Variants in MBD5 observed in about 807,000 individuals in gnomAD.
MBD5 encodes methyl-CpG-binding domain protein 5.
Under a neutral mutation model 117.3 loss-of-function variants are expected in MBD5, and 13 were observed. The observed-to-expected ratio is 0.11, with a 90% CI of 0.07 to 0.18. The LOEUF (loss-of-function observed/expected upper bound fraction) is 0.18. Ranked by LOEUF, MBD5 falls within the 10% of genes least tolerant of loss-of-function variation. The pLI is 1.00. For synonymous variants in MBD5, 727 were observed against 766.4 expected (o/e 0.95, Z 0.85); for missense variants, 1,879 against 2,093.8 (o/e 0.90, Z 2.00).
intron 3 of MBD5, among the ~76,000 whole-genome samples, chr2:148,304,287 C>A (rs1701840267): frequency 6.6e-6 from 1 of 152,098 alleles, no homozygotes; most frequent in Admixed American, 6.5e-5. Context: ...TGAGGAAATG[C>A]AGGCACACAA....
chr2:148,114,683 T>C (rs1257601836), intron 1 of MBD5, among the ~76,000 whole-genome samples: 1 of 152,156 alleles, frequency 6.6e-6, no homozygotes. Flanking sequence ...AATAAGTTAC[T>C]TACTGTGTGC....
At chr2:148,123,540 G>C (rs550216387) in intron 1 of MBD5, among the ~76,000 whole-genome samples, 1 of 152,236 alleles carries the variant, frequency 6.6e-6, no homozygotes, top group South Asian at 2.1e-4. Context: ...GTAGAACAAG[G>C]GTCAAAGTAA....
At chr2:148,327,617 C>T (rs1217363189) in intron 3 of MBD5, among the ~76,000 whole-genome samples, 1 of 151,770 alleles carries the variant, frequency 6.6e-6, no homozygotes, top group Non-Finnish European at 1.5e-5. Context: ...GATACCCTTT[C>T]TTCCAGTTGA....
At chr2:148,446,613 T>TGTGTGTGTG (rs1706537638) in intron 4 of MBD5, among the ~76,000 whole-genome samples, 1 of 151,818 alleles carries the variant, frequency 6.6e-6, no homozygotes, top group East Asian at 1.9e-4. Context: ...TGTGTGTGTG[T>TGTGTGTGTG]GTGTGTGTGT....
chr2:148,164,010 G>A (rs541691721), intron 1 of MBD5, among the ~76,000 whole-genome samples: 2 of 152,190 alleles, frequency 1.3e-5, no homozygotes, highest in Non-Finnish European at 2.9e-5. Flanking sequence ...ATTTTTTCAT[G>A]TAGTGTTTAC....
chr2:148,390,799 G>C (rs960202307), intron 4 of MBD5, among the ~76,000 whole-genome samples: 2 of 152,000 alleles, frequency 1.3e-5, no homozygotes, highest in African/African-American at 4.8e-5. Context: ...GGGCTCAGGC[G>C]AACCTCCCAC....
chr2:148,349,219 C>G (rs1201558427), intron 4 of MBD5, among the ~76,000 whole-genome samples: 1 of 151,812 alleles, frequency 6.6e-6, no homozygotes, highest in African/African-American at 2.4e-5. Context: ...TTTTCTGATC[C>G]TAGATTTACC....
chr2:148,339,114 G>T (rs1427431969), intron 3 of MBD5, among the ~76,000 whole-genome samples: 1 of 152,106 alleles, frequency 6.6e-6, no homozygotes, highest in East Asian at 1.9e-4. Flanking sequence ...TCAGGTCTCT[G>T]TGATGACTGT....
At chr2:148,161,640 A>G (rs112635108) in intron 1 of MBD5, among the ~76,000 whole-genome samples, 8 of 152,170 alleles carry the variant, frequency 5.3e-5, no homozygotes, top group Non-Finnish European at 1.2e-4. Context: ...AATGTTTCAC[A>G]TCCTTGACTC....
At chr2:148,475,496 G>A (rs1055783706) in intron 8 of MBD5, among the ~76,000 whole-genome samples, 1 of 151,934 alleles carries the variant, frequency 6.6e-6, no homozygotes, top group African/African-American at 2.4e-5. Context: ...AGCTGTAGAC[G>A]TTGAGTCTAT....
rs530289313 is a variant in MBD5 at position 148,344,429 on chromosome 2, C to T, written c.-557+2093C>T. ...GGCAGTATGGCCCTTTTAAAAATATCGATTCTTCCAATCCATGAGCATGTA... is the reference window on the plus strand; with the variant it reads ...GGCAGTATGGCCCTTTTAAAAATATTGATTCTTCCAATCCATGAGCATGTA... On this transcript the variant is annotated intron_variant, in intron 4 of 13. Coordinates refer to ENST00000642680, the MANE Select transcript of MBD5 (RefSeq NM_001378120.1). 3.9e-4 allele frequency among the ~76,000 whole-genome samples: 59 copies of T among 151,942 alleles called. No homozygotes were observed. The South Asian group carries it at 4.1e-3, about 11-fold the overall frequency.
intron 3 of MBD5, among the ~76,000 whole-genome samples, chr2:148,294,351 A>C (rs1452847898): frequency 1.4e-4 from 21 of 150,064 alleles, no homozygotes; most frequent in Non-Finnish European, 2.4e-4. Context: ...CAGCCTCCCG[A>C]GTAGCTGGGA....
chr2:148,434,852 TTGTTGTGTGGGAATCTACACC>T (rs962964448), intron 4 of MBD5, among the ~76,000 whole-genome samples: 3 of 150,860 alleles, frequency 2.0e-5, no homozygotes, highest in Non-Finnish European at 3.0e-5. Flanking sequence ...TGTCAGTGAG[TTGTTGTGTGGGAATCTACACC>T]TCTTCATAGG....
intron 3 of MBD5, chr2:148,264,094 AC>A (rs1237096646): frequency 1.3e-5 from 2 of 152,210 alleles, no homozygotes; most frequent in Non-Finnish European, 2.9e-5. Context: ...GTAGATGTGG[AC>A]CATGAAATAC....
intron 4 of MBD5, among the ~76,000 whole-genome samples, chr2:148,352,413 T>C (rs1429684230): frequency 6.6e-6 from 1 of 152,124 alleles, no homozygotes; most frequent in Non-Finnish European, 1.5e-5. Context: ...TGTCAAATTA[T>C]AGTACAATAT....
chr2:148,389,295 T>C lies in MBD5; in HGVS notation c.-557+46959T>C, dbSNP rs1383385370. On this transcript the variant is annotated intron_variant, in intron 4 of 13. Coordinates refer to ENST00000642680, the MANE Select transcript of MBD5 (RefSeq NM_001378120.1). ...ATATATATATATATATATATATATATATATATATAACATTTTCTTTATCCA... is the reference window on the plus strand; with the variant it reads ...ATATATATATATATATATATATATACATATATATAACATTTTCTTTATCCA... 1.3e-3 allele frequency among the ~76,000 whole-genome samples: 130 copies of C among 102,116 alleles called. 3 individuals are homozygous for C. The highest frequency in any genetic ancestry group is 4.5e-3 in the African/African-American group (121 of 27,172). 67.0% of individuals were successfully genotyped at this position (102,116 alleles called of 152,430 possible).
intron 1 of MBD5, among the ~76,000 whole-genome samples, chr2:148,142,747 A>C (rs1697348975): frequency 6.6e-6 from 1 of 152,226 alleles, no homozygotes. Context: ...AGCCTTCAGG[A>C]AGGAGCTCTC....
At chr2:148,391,708 T>C (rs1432615878) in intron 4 of MBD5, among the ~76,000 whole-genome samples, 1 of 152,164 alleles carries the variant, frequency 6.6e-6, no homozygotes, top group East Asian at 1.9e-4. Context: ...ATAGGCACAT[T>C]TATTTCAATT....
At chr2:148,048,595 G>T (rs1694603481) in intron 1 of MBD5, among the ~76,000 whole-genome samples, 1 of 152,122 alleles carries the variant, frequency 6.6e-6, no homozygotes, top group Non-Finnish European at 1.5e-5. Context: ...AGAGCAGTTT[G>T]CTGTTTTGGA....
Sources: allele counts gnomAD v4.1 joint callset (sites outside exome capture counted in the v4.1 genomes callset), GRCh38; gene constraint gnomAD v4.1.1; transcripts MANE v1.5; gene names NCBI Gene and HGNC (gene_info 2026-07-23, HGNC 2026-07-21).